SUPT3H: variants seen among roughly 807,000 people sequenced by gnomAD.
SUPT3H encodes transcription initiation protein SPT3 homolog.
SUPT3H carries 44 observed loss-of-function variants against 44.3 expected under a neutral mutation model. The observed-to-expected ratio is 0.99, with a 90% CI of 0.78 to 1.28. The LOEUF is 1.28. Ranked by LOEUF, SUPT3H falls within the 50% of genes most tolerant of loss-of-function variation. The probability of loss-of-function intolerance (pLI) is 0.00; values close to 1 mark genes in which losing one functional copy is unlikely to be tolerated. For missense variants in SUPT3H, 380 were observed against 387.1 expected, an observed-to-expected ratio of 0.98 and a Z score of 0.15; for synonymous variants, 124 against 125.6, an observed-to-expected ratio of 0.99 and a Z score of 0.09.
chr6:45,282,923 C>T lies in SUPT3H; in HGVS notation c.101+82278G>A, dbSNP rs974413367. Reference sequence around the variant, plus strand: ...TCTACAAGCCAGAAGAGAGTGGGGGCCAACATTCAACATTCTTAAGGAAAA... The same window carrying T: ...TCTACAAGCCAGAAGAGAGTGGGGGTCAACATTCAACATTCTTAAGGAAAA... On this transcript the variant is annotated intron_variant, in intron 2 of 10. Transcript: ENST00000371459. Among the ~76,000 whole-genome samples, 3 of 152,248 alleles carry T rather than the reference C, an allele frequency of 2.0e-5. No individual in the cohort carries two copies. In the East Asian group the frequency reaches 5.8e-4, roughly 29 times the overall value.
intron 6 of SUPT3H, among the ~76,000 whole-genome samples, chr6:44,977,433 ATT>A (rs750172920): frequency 2.0e-5 from 3 of 152,002 alleles, no homozygotes; most frequent in Non-Finnish European, 2.9e-5. Flanking sequence ...AAACTTACTG[ATT>A]CTCTGGATTT....
At chr6:45,270,574 G>A (rs968549853) in intron 2 of SUPT3H, among the ~76,000 whole-genome samples, 2 of 152,266 alleles carry the variant, frequency 1.3e-5, no homozygotes, top group African/African-American at 4.8e-5. Flanking sequence ...AATTGTGAGG[G>A]TTCCTCAGCC....
chr6:45,256,041 G>A (rs767829650), intron 2 of SUPT3H, among the ~76,000 whole-genome samples: 3 of 152,034 alleles, frequency 2.0e-5, no homozygotes, highest in Non-Finnish European at 4.4e-5. Context: ...CGTGGTTGCG[G>A]GTGCCTGTAG....
intron 10 of SUPT3H, among the ~76,000 whole-genome samples, chr6:44,842,512 A>G (rs672098): frequency 0.047 from 7,193 of 152,214 alleles, 244 homozygotes; most frequent in South Asian, 0.13. Flanking sequence ...GTGCTGTCCA[A>G]TTGTCTTGGG....
intron 2 of SUPT3H, among the ~76,000 whole-genome samples, chr6:45,202,647 T>A (rs542663931): frequency 6.6e-6 from 1 of 152,218 alleles, no homozygotes; most frequent in South Asian, 2.1e-4. Flanking sequence ...ACATTATTAC[T>A]ACTCGTACTA....
intron 1 of SUPT3H, among the ~76,000 whole-genome samples, chr6:45,370,916 T>A (rs1310387709): frequency 2.0e-5 from 3 of 150,938 alleles, no homozygotes; most frequent in African/African-American, 4.9e-5. Flanking sequence ...AAATTGAGTT[T>A]AAAAAAAAAA....
chr6:44,825,274 C>T (rs957012387), downstream of SUPT3H, among the ~76,000 whole-genome samples: 17 of 152,206 alleles, frequency 1.1e-4, no homozygotes, highest in Middle Eastern at 6.8e-3. Context: ...TTCTATTGTA[C>T]ATGATATAAT....
At chr6:45,143,888 C>T (rs1266008040) in intron 2 of SUPT3H, among the ~76,000 whole-genome samples, 1 of 152,030 alleles carries the variant, frequency 6.6e-6, no homozygotes, top group Non-Finnish European at 1.5e-5. Flanking sequence ...CACAGAAATA[C>T]AAAAGATCAT....
chr6:45,249,609 C>T (rs543120905), intron 2 of SUPT3H, among the ~76,000 whole-genome samples: 65 of 152,240 alleles, frequency 4.3e-4, no homozygotes, highest in Non-Finnish European at 7.6e-4. Context: ...AAGTTCGGGA[C>T]CTGAAGGCAG....
At chr6:44,926,486 C>T (rs1223422437) in intron 10 of SUPT3H, among the ~76,000 whole-genome samples, 5 of 151,818 alleles carry the variant, frequency 3.3e-5, no homozygotes, top group Admixed American at 6.6e-5. Context: ...TTTTTAATTA[C>T]AAAAATTTAT....
chr6:45,373,161 A>G (rs976065094), intron 1 of SUPT3H, among the ~76,000 whole-genome samples: 4 of 151,874 alleles, frequency 2.6e-5, no homozygotes, highest in Admixed American at 1.3e-4. Flanking sequence ...TATATTGCCC[A>G]TCACTCTTAG....
At chr6:44,847,082 G>A (rs1392630332) in intron 10 of SUPT3H, among the ~76,000 whole-genome samples, 1 of 152,194 alleles carries the variant, frequency 6.6e-6, no homozygotes, top group Non-Finnish European at 1.5e-5. Context: ...TATTAAGGAT[G>A]AGATTGAATC....
intron 2 of SUPT3H, among the ~76,000 whole-genome samples, chr6:45,162,951 GGA>G (rs1167477042): frequency 6.6e-6 from 1 of 152,154 alleles, no homozygotes; most frequent in African/African-American, 2.4e-5. Context: ...CTGCATCCCT[GGA>G]GATCTGTAGG....
At chr6:44,809,934 AAG>A (rs1352998963) in intron 11 of SUPT3H, among the ~76,000 whole-genome samples, 1 of 152,210 alleles carries the variant, frequency 6.6e-6, no homozygotes, top group Non-Finnish European at 1.5e-5. Context: ...CTCATCAGGC[AAG>A]AGTTACGAAT....
chr6:45,098,133 G>GA (rs1218771857), intron 3 of SUPT3H: 1 of 154,176 alleles, frequency 6.5e-6, no homozygotes, highest in Non-Finnish European at 1.5e-5. Context: ...AATAGCCAAA[G>GA]AAAAAAGCAG....
At chr6:45,173,096 T>G (rs1200941026) in intron 2 of SUPT3H, among the ~76,000 whole-genome samples, 1 of 152,030 alleles carries the variant, frequency 6.6e-6, no homozygotes, top group Non-Finnish European at 1.5e-5. Context: ...AACATCCTGA[T>G]CACACACTTA....
intron 3 of SUPT3H, among the ~76,000 whole-genome samples, chr6:45,024,885 T>C (rs918961770): frequency 2.6e-5 from 4 of 152,186 alleles, no homozygotes; most frequent in Non-Finnish European, 5.9e-5. Context: ...CCTGGGACAC[T>C]GGGCCTTTTC....
At chr6:44,887,376 C>T (rs751152511) in intron 10 of SUPT3H, among the ~76,000 whole-genome samples, 3 of 152,204 alleles carry the variant, frequency 2.0e-5, no homozygotes, top group Admixed American at 1.3e-4. Flanking sequence ...AAATAAAGCT[C>T]TCCTCAGCAA....
chr6:45,217,404 G>C (rs1212210294), intron 2 of SUPT3H, among the ~76,000 whole-genome samples: 1 of 150,430 alleles, frequency 6.6e-6, no homozygotes, highest in Non-Finnish European at 1.5e-5. Flanking sequence ...GAACCCAGGA[G>C]GCGGAGGCTG....
Sources: allele counts gnomAD v4.1 joint callset (sites outside exome capture counted in the v4.1 genomes callset), GRCh38; gene constraint gnomAD v4.1.1; transcripts MANE v1.5; gene names NCBI Gene and HGNC (gene_info 2026-07-23, HGNC 2026-07-21).